Variants in CSMD1 observed in about 807,000 individuals in gnomAD.
CSMD1 encodes the protein CUB and Sushi multiple domains 1.
CSMD1 carries 213 observed loss-of-function variants against 417.5 expected under a neutral mutation model. The observed-to-expected ratio is 0.51, with a 90% CI of 0.46 to 0.57. CSMD1 has a LOEUF of 0.57. CSMD1 is among the 20% of genes least tolerant of loss of function. CSMD1 has a pLI of 0.00. For synonymous variants in CSMD1, 2,862 were observed against 1,736.8 expected (o/e 1.65, Z -16.11); for missense variants, 6,923 against 4,529.7 (o/e 1.53, Z -15.17).
intron 26 of CSMD1, among the ~76,000 whole-genome samples, chr8:3,262,584 T>G (rs1265909790): frequency 6.6e-6 from 1 of 151,680 alleles, no homozygotes; most frequent in Non-Finnish European, 1.5e-5. Flanking sequence ...AGATTCCCTG[T>G]TAAAACCTCT....
At chr8:4,777,346 G>A (rs1458749881) in intron 1 of CSMD1, among the ~76,000 whole-genome samples, 1 of 152,166 alleles carries the variant, frequency 6.6e-6, no homozygotes, top group Non-Finnish European at 1.5e-5. Context: ...AGTGCCTTTG[G>A]TAGATGAGAT....
chr8:4,142,075 C>A lies in CSMD1; in HGVS notation c.416-109976G>T, dbSNP rs184590286. The stretch of plus-strand genomic sequence containing the variant: ...AATATATAAGTTGAAAAAAAAATAA[C>A]TCCATACTGGAACATTCCCTAATGT... On this transcript the variant is annotated intron_variant, in intron 3 of 69. Coordinates refer to ENST00000635120, the MANE Select transcript of CSMD1 (RefSeq NM_033225.6). Among the ~76,000 whole-genome samples the A allele has an allele frequency of 1.3e-4, 17 of 135,110 alleles. 1 individual carries two copies. Among genetic ancestry groups the A allele is most frequent in the African/African-American group, 4.3e-4 (17 of 39,214 alleles). The allele number at this position is 135,110 out of a possible 152,430, so 88.6% of individuals were successfully genotyped here. A position where few individuals can be genotyped will look rare whatever the true frequency, so the allele number is the denominator to read the frequency against.
intron 40 of CSMD1, among the ~76,000 whole-genome samples, chr8:3,143,087 A>G (rs776644591): frequency 6.6e-6 from 1 of 152,236 alleles, no homozygotes; most frequent in Non-Finnish European, 1.5e-5. Flanking sequence ...GCTAACTGAT[A>G]GCTTTATCAA....
intron 26 of CSMD1, chr8:3,278,300 A>C (rs983465760): frequency 1.3e-5 from 2 of 152,212 alleles, no homozygotes; most frequent in South Asian, 4.1e-4. Flanking sequence ...AATGTACTTC[A>C]AAGTGTGCTT....
At chr8:3,173,915 C>T (rs978899269) in intron 37 of CSMD1, among the ~76,000 whole-genome samples, 13 of 152,124 alleles carry the variant, frequency 8.5e-5, no homozygotes, top group Non-Finnish European at 1.8e-4. Context: ...ATTATGGCAA[C>T]GTCCTGCCAA....
chr8:3,627,933 G>C (rs1238926140), intron 7 of CSMD1, among the ~76,000 whole-genome samples: 1 of 152,120 alleles, frequency 6.6e-6, no homozygotes, highest in Non-Finnish European at 1.5e-5. Context: ...GATACCACAA[G>C]TTGAAAAGGA....
intron 1 of CSMD1, among the ~76,000 whole-genome samples, chr8:4,877,875 T>G (rs1164115331): frequency 6.6e-6 from 1 of 152,072 alleles, no homozygotes; most frequent in African/African-American, 2.4e-5. Context: ...CTCTACCCAG[T>G]GTAGCATCAA....
intron 1 of CSMD1, among the ~76,000 whole-genome samples, chr8:4,697,445 C>A (rs988970667): frequency 3.9e-5 from 6 of 152,088 alleles, no homozygotes; most frequent in African/African-American, 1.4e-4. Flanking sequence ...CTTACAGAGG[C>A]AAGTTCAATA....
chr8:3,916,474 G>C (rs1808839208), intron 5 of CSMD1, among the ~76,000 whole-genome samples: 1 of 152,132 alleles, frequency 6.6e-6, no homozygotes, highest in African/African-American at 2.4e-5. Context: ...ATAAAGGCTT[G>C]TTAGCTTGAA....
chr8:3,772,983 G>C (rs930119329), intron 5 of CSMD1, among the ~76,000 whole-genome samples: 14 of 152,174 alleles, frequency 9.2e-5, no homozygotes, highest in African/African-American at 3.4e-4. Flanking sequence ...CCCACTTCTG[G>C]GAAGGACTGG....
At chr8:4,712,000 C>T (rs1030491217) in intron 1 of CSMD1, among the ~76,000 whole-genome samples, 5 of 152,100 alleles carry the variant, frequency 3.3e-5, no homozygotes, top group Non-Finnish European at 2.9e-5. Flanking sequence ...AAATATGTGG[C>T]TTCCTAAGAG....
intron 5 of CSMD1, among the ~76,000 whole-genome samples, chr8:3,955,651 T>C (rs1811890617): frequency 6.6e-6 from 1 of 152,126 alleles, no homozygotes. Context: ...ACTTCCTCTT[T>C]CACCGATTCT....
intron 7 of CSMD1, among the ~76,000 whole-genome samples, chr8:3,707,771 T>C (rs1482955023): frequency 6.6e-6 from 1 of 152,192 alleles, no homozygotes; most frequent in Non-Finnish European, 1.5e-5. Context: ...AGAAGCACCA[T>C]GACCCAGTCC....
chr8:4,834,922 A>C (rs762979150), intron 1 of CSMD1, among the ~76,000 whole-genome samples: 1 of 127,716 alleles, frequency 7.8e-6, no homozygotes, highest in Non-Finnish European at 1.6e-5. Context: ...GCGCCACTGC[A>C]CTCCAGCCTG....
At chr8:3,907,136 T>C (rs1160834858) in intron 5 of CSMD1, among the ~76,000 whole-genome samples, 2 of 152,214 alleles carry the variant, frequency 1.3e-5, no homozygotes, top group South Asian at 4.1e-4. Context: ...TAAACATTAC[T>C]TTTCATGTTA....
At chr8:3,620,830 T>G (rs1802388181) in intron 7 of CSMD1, among the ~76,000 whole-genome samples, 1 of 152,200 alleles carries the variant, frequency 6.6e-6, no homozygotes. Context: ...AATAATTATT[T>G]TAAATATAAA....
Position 3,536,782 on chromosome 8 carries a change from A to G in CSMD1, c.1344+38163T>C, listed in dbSNP as rs192721473. On this transcript the variant is annotated intron_variant, in intron 10 of 69. Transcript: ENST00000635120. ...TCCATTGTGTGGAAGGGACTAAGTC[A>G]TCTCTTCAGCACCGGGAATGCTGTT... 7.0e-4 allele frequency among the ~76,000 whole-genome samples: 106 copies of G among 152,110 alleles called. 1 individual carries two copies. Among genetic ancestry groups the G allele is most frequent in the Non-Finnish European group, 1.2e-3 (85 of 68,026 alleles).
chr8:3,098,827 CG>C (rs1232102790), intron 46 of CSMD1, among the ~76,000 whole-genome samples: 1 of 151,996 alleles, frequency 6.6e-6, no homozygotes, highest in Non-Finnish European at 1.5e-5. Flanking sequence ...TTGGCTCTGA[CG>C]TGTAAGTACA....
In CSMD1 at chr8:3,026,593, GCCTCACTGGA is replaced by G. The variant is rs1017718707; in HGVS notation, c.7855+2716_7855+2725del. 2.6e-5 allele frequency among the ~76,000 whole-genome samples: 4 copies of G among 151,942 alleles called. No homozygotes were observed. In the East Asian group the frequency reaches 7.8e-4, roughly 30 times the overall value. On this transcript the variant is annotated intron_variant, in intron 51 of 69. Coordinates refer to ENST00000635120, the MANE Select transcript of CSMD1 (RefSeq NM_033225.6). ...ACCGGACCTCACTGGGCTTGACTGG[GCCTCACTGGA>G]CCTCACTGGACCTCACCGGGCCTCC...
Sources: allele counts gnomAD v4.1 joint callset (sites outside exome capture counted in the v4.1 genomes callset), GRCh38; gene constraint gnomAD v4.1.1; transcripts MANE v1.5; gene names NCBI Gene and HGNC (gene_info 2026-07-23, HGNC 2026-07-21).